KIAA2012: variants seen among roughly 807,000 people sequenced by gnomAD.
KIAA2012 encodes the protein uncharacterized protein KIAA2012.
KIAA2012 carries 125 observed loss-of-function variants against 150.6 expected under a neutral mutation model. The observed-to-expected ratio is 0.83, with a 90% CI of 0.72 to 0.96. KIAA2012 has a LOEUF of 0.96. Ranked by LOEUF, KIAA2012 falls within the 40% of genes least tolerant of loss-of-function variation. KIAA2012 has a pLI of 0.00. For synonymous variants in KIAA2012, 462 were observed against 504.7 expected (o/e 0.92, Z 1.13); for missense variants, 1,219 against 1,354.9 (o/e 0.90, Z 1.57).
intron 17 of KIAA2012, 79 bp from the exon 18 acceptor site, chr2:202,188,073 G>T: frequency 8.4e-7 from 1 of 1,195,110 alleles, no homozygotes; most frequent in Non-Finnish European, 1.2e-6. Context: ...GTGTCACCTT[G>T]TTCAACATAA....
intron 22 of KIAA2012, chr2:202,201,898 G>A: frequency 9.9e-7 from 1 of 1,007,104 alleles, no homozygotes; most frequent in Non-Finnish European, 1.6e-6. Flanking sequence ...GTGGCTGCAG[G>A]TCCGGTTCGT....
chr2:202,182,401 C>T (rs960672041), intron 15 of KIAA2012, among the ~76,000 whole-genome samples: 38 of 152,050 alleles, frequency 2.5e-4, no homozygotes, highest in Non-Finnish European at 4.1e-4. Flanking sequence ...CATGAGCCCC[C>T]ACACCCAGCC....
intron 12 of KIAA2012, among the ~76,000 whole-genome samples, chr2:202,133,936 G>T (rs547751839): frequency 1.5e-4 from 23 of 152,130 alleles, no homozygotes; most frequent in African/African-American, 5.3e-4. Flanking sequence ...AGGTCAGAAG[G>T]ACCAAAATTA....
chr2:202,179,367 C>T (rs558112745), intron 15 of KIAA2012: 4 of 881,218 alleles, frequency 4.5e-6, no homozygotes, highest in East Asian at 5.6e-5. Flanking sequence ...ATTGAATATG[C>T]TTTGGCTGCT....
chr2:202,077,839 G>C (rs113648118), intron 2 of KIAA2012, among the ~76,000 whole-genome samples: 192 of 152,144 alleles, frequency 1.3e-3, no homozygotes, highest in African/African-American at 4.5e-3. Context: ...TATTTAAAAA[G>C]AAAAGAAAAG....
At chr2:202,106,043 T>C (rs1690182878) in intron 9 of KIAA2012, 133 bp downstream of exon 9, 1 of 1,537,820 alleles carries the variant, frequency 6.5e-7, no homozygotes, top group Non-Finnish European at 8.7e-7. Context: ...CACTGGAAGA[T>C]GGCCTTTGTG....
At position 202,075,067 on chromosome 2, in the gene KIAA2012, G is replaced by T; in HGVS notation, c.261G>T (p.Glu87Asp). Residue 87 changes from glutamate (E) to aspartate (D), a missense_variant, in exon 2 of 24, where the codon GAG (glutamate) becomes GAT (aspartate). Glu to Asp is a conservative substitution (Grantham distance 45). Transcript: ENST00000498697. ...GFAISAWTPK[E>D]RRKGPYCPRG... ...CCATTTCGGCATGGACACCCAAAGA[G>T]AGGAGAAAAGGCCCCTACTGCCCCA... is the stretch of plus-strand genomic sequence containing the variant. 6.4e-7 allele frequency: 1 copy of T among 1,550,574 alleles called. No homozygotes were observed. The highest frequency in any genetic ancestry group is 8.7e-7 in the Non-Finnish European group (1 of 1,146,998).
chr2:202,179,247 T>A, intron 15 of KIAA2012: 1 of 836,124 alleles, frequency 1.2e-6, no homozygotes, highest in Admixed American at 2.0e-5. Flanking sequence ...CAGTAGGCAT[T>A]GTGACTTAAA....
In KIAA2012 at chr2:202,109,685, C is replaced by G; in HGVS notation, c.1547C>G (p.Pro516Arg). The change falls in exon 10 of 24, where the codon CCT becomes CGT. Residue 516 changes from proline (P) to arginine (R), a missense_variant. Coordinates refer to ENST00000498697, the MANE Select transcript of KIAA2012 (RefSeq NM_001277372.4). ...LLPPIKGKKS[P>R]ESQKGVDSPR... ...CCCCCGATTAAAGGAAAAAAAAGTCCTGAGAGCCAGAAGGGCGTGGACAGC... is the reference window on the plus strand; with the variant it reads ...CCCCCGATTAAAGGAAAAAAAAGTCGTGAGAGCCAGAAGGGCGTGGACAGC... 1.3e-6 allele frequency: 2 copies of G among 1,550,684 alleles called. No homozygotes were observed. Among genetic ancestry groups the G allele is most frequent in the East Asian group, 4.9e-5 (2 of 40,900 alleles).
At chr2:202,173,384 A>G (rs1691933775) in intron 15 of KIAA2012, among the ~76,000 whole-genome samples, 1 of 152,164 alleles carries the variant, frequency 6.6e-6, no homozygotes, top group Non-Finnish European at 1.5e-5. Flanking sequence ...AGCCTGACCA[A>G]CATGGAGAAA....
intron 10 of KIAA2012, 22 bp downstream of exon 10, chr2:202,109,811 A>G: frequency 6.6e-7 from 1 of 1,513,270 alleles, no homozygotes; most frequent in Non-Finnish European, 8.9e-7. Context: ...CAGAGTGCAT[A>G]GACGCCCCCC....
chr2:202,091,459 C>A (rs1239215616), intron 3 of KIAA2012, among the ~76,000 whole-genome samples: 1 of 152,098 alleles, frequency 6.6e-6, no homozygotes, highest in Non-Finnish European at 1.5e-5. Flanking sequence ...TTAAAAATGG[C>A]GGCTCTCCAG....
intron 22 of KIAA2012, among the ~76,000 whole-genome samples, chr2:202,200,519 G>A (rs1472134318): frequency 1.3e-5 from 2 of 152,020 alleles, no homozygotes; most frequent in Non-Finnish European, 2.9e-5. Context: ...GAAGGAAATT[G>A]GCTTTCGGTC....
intron 15 of KIAA2012, among the ~76,000 whole-genome samples, chr2:202,183,217 C>T (rs1423001130): frequency 2.0e-5 from 3 of 151,884 alleles, no homozygotes; most frequent in African/African-American, 7.3e-5. Context: ...CCCAGAAGTT[C>T]GAGACCAGCC....
At chr2:202,123,383 AC>A (rs1690703299) in intron 11 of KIAA2012, among the ~76,000 whole-genome samples, 1 of 152,088 alleles carries the variant, frequency 6.6e-6, no homozygotes, top group African/African-American at 2.4e-5. Flanking sequence ...CAAGGTCCCT[AC>A]TCAATAATTA....
intron 13 of KIAA2012, among the ~76,000 whole-genome samples, chr2:202,146,097 C>T (rs1691288892): frequency 6.6e-6 from 1 of 152,168 alleles, no homozygotes; most frequent in Non-Finnish European, 1.5e-5. Context: ...CAGTTATTAT[C>T]CCTGTTTACA....
At chr2:202,195,819 C>A (rs572018448) in intron 21 of KIAA2012, among the ~76,000 whole-genome samples, 132 of 152,252 alleles carry the variant, frequency 8.7e-4, no homozygotes, top group African/African-American at 3.0e-3. Context: ...TAATGTAAGT[C>A]CTCCTAGGAT....
chr2:202,106,094 AAC>A (rs1435168605), intron 9 of KIAA2012, 184 bp downstream of exon 9: 1 of 1,484,258 alleles, frequency 6.7e-7, no homozygotes, highest in African/African-American at 1.4e-5. Context: ...CACTAAAACT[AAC>A]AGTGTCCAGC....
rs745855445 is a variant in KIAA2012, at chr2:202,193,466, C to G, written c.2977C>G (p.Leu993Val). The G allele has an allele frequency of 3.7e-5, 58 of 1,550,062 alleles. No homozygotes were observed. The South Asian group carries it at 6.4e-4, about 17-fold the overall frequency. The change falls in exon 20 of 24, where the codon CTG becomes GTG. Residue 993 changes from leucine to valine, a missense_variant. By Grantham distance (32) the Leu-to-Val change is conservative. Coordinates refer to ENST00000498697, the MANE Select transcript of KIAA2012 (RefSeq NM_001277372.4). ...LERAKKMEEE[L>V]ELEQQRRTEE... is the part of the protein sequence containing the mutation. ...GAGAGCAAAAAAGATGGAGGAGGAG[C>G]TGGAGCTGGAGCAGCAGAGACGTAC...
Sources: allele counts gnomAD v4.1 joint callset (sites outside exome capture counted in the v4.1 genomes callset), GRCh38; gene constraint gnomAD v4.1.1; transcripts MANE v1.5; gene names NCBI Gene and HGNC (gene_info 2026-07-23, HGNC 2026-07-21).